TENM3: variants seen among roughly 807,000 people sequenced by gnomAD.
TENM3 encodes the protein teneurin-3.
In TENM3, 63 loss-of-function variants were observed where a neutral mutation model predicts 255.1. That is an observed-to-expected ratio of 0.25 (90% confidence interval 0.20 to 0.30). TENM3 has a LOEUF of 0.30. Ranked by LOEUF, TENM3 falls within the 10% of genes least tolerant of loss-of-function variation. The pLI is 1.00. For synonymous variants in TENM3, 1,306 were observed against 1,322.3 expected (o/e 0.99, Z 0.27); for missense variants, 2,929 against 3,461.1 (o/e 0.85, Z 3.86).
intron 3 of TENM3, among the ~76,000 whole-genome samples, chr4:182,382,046 C>T (rs1181553518): frequency 6.6e-6 from 1 of 152,104 alleles, no homozygotes; most frequent in Non-Finnish European, 1.5e-5. Context: ...TAGGACGATG[C>T]TCTGATAGAA....
the TENM3 span, among the ~76,000 whole-genome samples, chr4:181,892,292 C>A: frequency 6.6e-6 from 1 of 152,098 alleles, no homozygotes; most frequent in Non-Finnish European, 1.5e-5. Flanking sequence ...ATATATGCTT[C>A]GCAAAGTTTC....
At chr4:182,768,634 G>A (rs893036757) in intron 22 of TENM3, among the ~76,000 whole-genome samples, 1 of 152,180 alleles carries the variant, frequency 6.6e-6, no homozygotes, top group South Asian at 2.1e-4. Flanking sequence ...ATTCTCAGCT[G>A]AGAATGACTG....
intron 1 of TENM3, among the ~76,000 whole-genome samples, chr4:182,264,321 A>T (rs532708300): frequency 6.6e-6 from 1 of 152,342 alleles, no homozygotes; most frequent in South Asian, 2.1e-4. Context: ...ACTTGGCTGC[A>T]GGTCCGTGAA....
At chr4:182,098,908 T>C in the TENM3 span, among the ~76,000 whole-genome samples, 1 of 152,012 alleles carries the variant, frequency 6.6e-6, no homozygotes, top group Non-Finnish European at 1.5e-5. Context: ...ACACATTGTA[T>C]GCTTGTTTAA....
chr4:182,535,918 T>A (rs1304728727), intron 3 of TENM3, among the ~76,000 whole-genome samples: 1 of 152,122 alleles, frequency 6.6e-6, no homozygotes, highest in Non-Finnish European at 1.5e-5. Flanking sequence ...TGGCACACAA[T>A]AACCTCTATA....
At chr4:182,184,517 A>G (rs889208320) in intron 1 of TENM3, among the ~76,000 whole-genome samples, 1 of 149,764 alleles carries the variant, frequency 6.7e-6, no homozygotes, top group Non-Finnish European at 1.5e-5. Flanking sequence ...TTTTTTTGAG[A>G]AAAGGAGTGG....
intron 13 of TENM3, among the ~76,000 whole-genome samples, chr4:182,722,680 G>C (rs189843626): frequency 2.0e-4 from 31 of 152,342 alleles, no homozygotes; most frequent in African/African-American, 7.5e-4. Flanking sequence ...ATTTTAGCCA[G>C]AGAAGTGAAA....
At chr4:182,573,876 A>C (rs2152030335) in intron 3 of TENM3, among the ~76,000 whole-genome samples, 1 of 152,220 alleles carries the variant, frequency 6.6e-6, no homozygotes, top group South Asian at 2.1e-4. Flanking sequence ...TTAAGCAGAA[A>C]TTTTTTTCAC....
At chr4:181,878,806 CCTAT>C in the TENM3 span, among the ~76,000 whole-genome samples, 2 of 152,052 alleles carry the variant, frequency 1.3e-5, no homozygotes, top group African/African-American at 2.4e-5. Flanking sequence ...TGTCTATCTA[CCTAT>C]CTGTGTGTCT....
At chr4:181,574,345 C>G in the TENM3 span, among the ~76,000 whole-genome samples, 1 of 151,742 alleles carries the variant, frequency 6.6e-6, no homozygotes, top group South Asian at 2.1e-4. Context: ...TCCTGGCTAA[C>G]AAGGTGAAAC....
the TENM3 span, among the ~76,000 whole-genome samples, chr4:181,885,952 A>G: frequency 6.6e-6 from 1 of 152,024 alleles, no homozygotes; most frequent in Admixed American, 6.6e-5. Context: ...TAGGCAAGTC[A>G]TATCTTGCCT....
the TENM3 span, among the ~76,000 whole-genome samples, chr4:181,857,586 CAAAAAAA>C: frequency 8.7e-6 from 1 of 115,260 alleles, no homozygotes; most frequent in Non-Finnish European, 1.6e-5. Context: ...CAAAACAAAA[CAAAAAAA>C]AAAAAAACAA....
At chr4:181,701,296 G>A in the TENM3 span, among the ~76,000 whole-genome samples, 2 of 152,180 alleles carry the variant, frequency 1.3e-5, no homozygotes, top group Non-Finnish European at 2.9e-5. Context: ...GTTACTAAAT[G>A]TGATTCGCAA....
chr4:182,475,165 CT>C (rs1438347092), intron 3 of TENM3, among the ~76,000 whole-genome samples: 2 of 152,184 alleles, frequency 1.3e-5, no homozygotes, highest in African/African-American at 4.8e-5. Flanking sequence ...AGGAGGACTC[CT>C]TTAGTGGTAG....
the TENM3 span, among the ~76,000 whole-genome samples, chr4:181,912,291 C>G: frequency 1.3e-5 from 2 of 152,200 alleles, no homozygotes; most frequent in Non-Finnish European, 2.9e-5. Context: ...TCATTCCAAG[C>G]TCTGATACAT....
Position 182,776,336 on chromosome 4 carries a change from C to G in TENM3, c.5304+1183C>G, listed in dbSNP as rs143559453. Among the ~76,000 whole-genome samples the G allele has an allele frequency of 2.2e-3, 337 of 152,316 alleles. 1 individual carries two copies. Among genetic ancestry groups the G allele is most frequent in the Non-Finnish European group, 3.8e-3 (257 of 68,020 alleles). ...CTAAGGCAGGAGGATTGCTTGAACACTCGAGGCGGAGGTTGCAGTGAGTCG... is the reference window on the plus strand; with the variant it reads ...CTAAGGCAGGAGGATTGCTTGAACAGTCGAGGCGGAGGTTGCAGTGAGTCG... On this transcript the variant is annotated intron_variant, in intron 24 of 27. Transcript: ENST00000511685.
At chr4:182,374,840 C>T (rs1767071148) in intron 3 of TENM3, among the ~76,000 whole-genome samples, 1 of 152,192 alleles carries the variant, frequency 6.6e-6, no homozygotes, top group Non-Finnish European at 1.5e-5. Context: ...CATCAACCTT[C>T]TCAGGAAAAC....
Position 182,452,795 on chromosome 4 carries a change from CAGAT to C in TENM3, c.511+105869_511+105872del, listed in dbSNP as rs139415616. Among the ~76,000 whole-genome samples the C allele has an allele frequency of 1.1e-4, 17 of 152,218 alleles. No homozygotes were observed. The East Asian group carries it at 2.1e-3, about 19-fold the overall frequency. ...GCTTAGATTTATCAATTTGGTATGACAGATAGTTCTAGCAATAGATAATGTGCAA... is the reference window on the plus strand; with the variant it reads ...GCTTAGATTTATCAATTTGGTATGACAGTTCTAGCAATAGATAATGTGCAA... On this transcript the variant is annotated intron_variant, in intron 3 of 27. Transcript: ENST00000511685.
the TENM3 span, among the ~76,000 whole-genome samples, chr4:182,034,710 C>A: frequency 2.0e-5 from 3 of 152,184 alleles, no homozygotes; most frequent in East Asian, 5.8e-4. Flanking sequence ...GAATATCAGC[C>A]CCCAATATCT....
Sources: gnomAD v4.1 joint callset for allele counts (sites outside exome capture counted in the v4.1 genomes callset) on GRCh38, gnomAD v4.1.1 for gene constraint, MANE v1.5 for transcripts, NCBI Gene and HGNC (gene_info 2026-07-23, HGNC 2026-07-21) for gene names.